The following KIF6 variants were observed in gnomAD, a reference collection of about 807,000 sequenced individuals.
The protein encoded by KIF6 is kinesin-like protein KIF6.
KIF6 carries 106 observed loss-of-function variants against 112.7 expected under a neutral mutation model. The observed-to-expected ratio is 0.94, with a 90% CI of 0.80 to 1.11. The LOEUF is 1.11. Ranked by LOEUF, KIF6 falls within the 50% of genes least tolerant of loss-of-function variation. The pLI is 0.00. For missense variants in KIF6, 929 were observed against 964.0 expected (o/e 0.96, Z 0.48); for synonymous variants, 339 against 339.9 (o/e 1.00, Z 0.03).
At chr6:39,647,305 G>A (rs1337030638) in intron 3 of KIF6, among the ~76,000 whole-genome samples, 2 of 152,084 alleles carry the variant, frequency 1.3e-5, no homozygotes, top group Non-Finnish European at 2.9e-5. Context: ...TGAGAGGTCT[G>A]TTTTTCTGCC....
At chr6:39,586,161 C>T in intron 8 of KIF6, 100 bp downstream of exon 8, 1 of 1,199,482 alleles carries the variant, frequency 8.3e-7, no homozygotes, top group Non-Finnish European at 1.2e-6. Context: ...AAGGCATACC[C>T]AGCTGAAAAT....
At chr6:39,526,063 A>T (rs188800513) in intron 13 of KIF6, among the ~76,000 whole-genome samples, 1 of 152,182 alleles carries the variant, frequency 6.6e-6, no homozygotes, top group African/African-American at 2.4e-5. Flanking sequence ...CCACTTAGCT[A>T]TCTCTTCCTT....
chr6:39,379,080 A>G (rs1766699315), intron 16 of KIF6, among the ~76,000 whole-genome samples: 1 of 152,220 alleles, frequency 6.6e-6, no homozygotes, highest in Non-Finnish European at 1.5e-5. Context: ...AAGGATCCGC[A>G]CGATAAATTC....
At chr6:39,429,448 T>C (rs927318779) in intron 14 of KIF6, among the ~76,000 whole-genome samples, 1 of 152,232 alleles carries the variant, frequency 6.6e-6, no homozygotes, top group African/African-American at 2.4e-5. Context: ...TGAGCTTTTA[T>C]TCCCTACCTT....
intron 13 of KIF6, among the ~76,000 whole-genome samples, chr6:39,515,328 C>G (rs377668791): frequency 6.6e-6 from 1 of 152,182 alleles, no homozygotes; most frequent in Non-Finnish European, 1.5e-5. Context: ...TATCGGAAAG[C>G]GAGAAATAGG....
intron 16 of KIF6, among the ~76,000 whole-genome samples, chr6:39,363,663 G>A (rs931886760): frequency 2.6e-5 from 4 of 152,156 alleles, no homozygotes; most frequent in African/African-American, 7.2e-5. Flanking sequence ...CTCTATGTAG[G>A]GAAGACTCTG....
intron 10 of KIF6, among the ~76,000 whole-genome samples, chr6:39,548,973 T>C (rs1445611613): frequency 6.6e-6 from 1 of 152,206 alleles, no homozygotes; most frequent in Non-Finnish European, 1.5e-5. Context: ...AGAAATATTG[T>C]AATAATTTAG....
At chr6:39,402,377 C>T (rs1290022008) in intron 15 of KIF6, among the ~76,000 whole-genome samples, 4 of 152,132 alleles carry the variant, frequency 2.6e-5, no homozygotes, top group African/African-American at 7.2e-5. Flanking sequence ...GTGCTGTGCC[C>T]GGCAGAAACT....
At chr6:39,639,829 T>G in intron 3 of KIF6, 72 bp from the exon 4 acceptor site, 1 of 1,338,992 alleles carries the variant, frequency 7.5e-7, no homozygotes. Context: ...GCTTGTATTC[T>G]AATAACAATC....
chr6:39,391,886 T>G (rs1430204977), intron 15 of KIF6, among the ~76,000 whole-genome samples: 1 of 152,204 alleles, frequency 6.6e-6, no homozygotes, highest in Admixed American at 6.5e-5. Context: ...CTCTGGTATG[T>G]ATGTTTGTAT....
intron 10 of KIF6, among the ~76,000 whole-genome samples, chr6:39,562,594 G>A (rs1780068404): frequency 6.6e-6 from 1 of 152,088 alleles, no homozygotes; most frequent in Non-Finnish European, 1.5e-5. Flanking sequence ...TATGGCTCAG[G>A]GGTCACAAAA....
intron 3 of KIF6, among the ~76,000 whole-genome samples, chr6:39,713,124 G>A (rs1789652342): frequency 6.6e-6 from 1 of 152,148 alleles, no homozygotes; most frequent in East Asian, 1.9e-4. Context: ...ATTTCTGAGG[G>A]AAGAGAATTC....
intron 22 of KIF6, among the ~76,000 whole-genome samples, chr6:39,340,577 T>A (rs1164496922): frequency 2.0e-5 from 3 of 152,164 alleles, no homozygotes; most frequent in Non-Finnish European, 4.4e-5. Flanking sequence ...GGGATCATAA[T>A]CTTGGCCCTG....
At chr6:39,576,711 C>T (rs943607327) in intron 10 of KIF6, among the ~76,000 whole-genome samples, 1 of 152,180 alleles carries the variant, frequency 6.6e-6, no homozygotes, top group Non-Finnish European at 1.5e-5. Context: ...GTATCATCAC[C>T]TTCTCCTGTT....
At chr6:39,411,295 C>T (rs550185719) in intron 15 of KIF6, among the ~76,000 whole-genome samples, 321 of 152,320 alleles carry the variant, frequency 2.1e-3, no homozygotes, top group African/African-American at 7.1e-3. Context: ...GTCCTCTTGG[C>T]TCTCCAGGTC....
chr6:39,379,887 G>C (rs568624781), intron 16 of KIF6, among the ~76,000 whole-genome samples: 1 of 152,324 alleles, frequency 6.6e-6, no homozygotes, highest in South Asian at 2.1e-4. Flanking sequence ...AAGTTAGGCA[G>C]GTTTCCTTAA....
chr6:39,337,581 G>A (rs900418255), intron 22 of KIF6, among the ~76,000 whole-genome samples: 5 of 151,586 alleles, frequency 3.3e-5, no homozygotes, highest in African/African-American at 1.2e-4. Context: ...CAAAGTGCTG[G>A]GATTACAGGT....
intron 13 of KIF6, among the ~76,000 whole-genome samples, chr6:39,494,577 C>A (rs192132103): frequency 4.6e-4 from 70 of 152,230 alleles, no homozygotes; most frequent in African/African-American, 1.7e-3. Context: ...ATCAATGCCT[C>A]TAGAATTCTG....
chr6:39,564,144 G>A (rs1780160635), intron 10 of KIF6, among the ~76,000 whole-genome samples: 1 of 152,220 alleles, frequency 6.6e-6, no homozygotes, highest in African/African-American at 2.4e-5. Flanking sequence ...GCACACTGAT[G>A]AGCAAAGCAG....
Sources: allele counts gnomAD v4.1 joint callset (sites outside exome capture counted in the v4.1 genomes callset), GRCh38; gene constraint gnomAD v4.1.1; transcripts MANE v1.5; gene names NCBI Gene and HGNC (gene_info 2026-07-23, HGNC 2026-07-21).